LOC400499: variants seen among roughly 807,000 people sequenced by gnomAD.
chr16:11,486,296 T>A, the LOC400499 span, among the ~76,000 whole-genome samples: 1 of 85,564 alleles, frequency 1.2e-5, no homozygotes, highest in Non-Finnish European at 2.2e-5. Flanking sequence ...GATGGATGGA[T>A]GAATGGTACA....
At chr16:11,384,175 A>G in the LOC400499 span, 1 of 1,220,420 alleles carries the variant, frequency 8.2e-7, no homozygotes, top group Non-Finnish European at 1.0e-6. Context: ...AGCCCTCAAG[A>G]ACCTCAGCTG....
At chr16:11,433,158 G>A in the LOC400499 span, among the ~76,000 whole-genome samples, 1 of 152,168 alleles carries the variant, frequency 6.6e-6, no homozygotes, top group African/African-American at 2.4e-5. Flanking sequence ...AGACCATATG[G>A]CCCACAAAGC....
chr16:11,526,420 A>G, the LOC400499 span, among the ~76,000 whole-genome samples: 2 of 152,242 alleles, frequency 1.3e-5, no homozygotes, highest in Non-Finnish European at 2.9e-5. Context: ...AAACTTTCAA[A>G]TATGTTTGAA....
At chr16:11,381,861 T>G in the LOC400499 span, among the ~76,000 whole-genome samples, 68 of 152,296 alleles carry the variant, frequency 4.5e-4, no homozygotes, top group African/African-American at 1.6e-3. Flanking sequence ...AGTTTAGTTC[T>G]GATGGGTCTT....
chr16:11,509,024 G>C, the LOC400499 span, among the ~76,000 whole-genome samples: 7 of 152,184 alleles, frequency 4.6e-5, no homozygotes, highest in African/African-American at 1.4e-4. Flanking sequence ...ATTGCAAACA[G>C]CCTAAGATGG....
the LOC400499 span, chr16:11,459,870 G>C: frequency 7.5e-7 from 1 of 1,336,840 alleles, no homozygotes; most frequent in African/African-American, 1.5e-5. Context: ...CATGGGGCAC[G>C]GCTCTGCCGC....
At chr16:11,450,088 C>T in the LOC400499 span, among the ~76,000 whole-genome samples, 4 of 152,216 alleles carry the variant, frequency 2.6e-5, no homozygotes, top group Non-Finnish European at 4.4e-5. Context: ...GTGCTGCCCT[C>T]GGATGAGCCC....
At chr16:11,515,416 A>G in the LOC400499 span, among the ~76,000 whole-genome samples, 1 of 152,024 alleles carries the variant, frequency 6.6e-6, no homozygotes, top group African/African-American at 2.4e-5. Context: ...TGATCACACC[A>G]CTGCACTCCA....
At chr16:11,492,569 G>A in the LOC400499 span, among the ~76,000 whole-genome samples, 1 of 152,028 alleles carries the variant, frequency 6.6e-6, no homozygotes, top group East Asian at 1.9e-4. Context: ...AGGATCATGA[G>A]GTCAGGAGAT....
the LOC400499 span, among the ~76,000 whole-genome samples, chr16:11,379,138 C>T: frequency 4.6e-5 from 7 of 152,142 alleles, no homozygotes; most frequent in African/African-American, 7.2e-5. Context: ...GCCTGTAATC[C>T]CAGCTACTCT....
At chr16:11,460,749 C>T in the LOC400499 span, 4 of 1,323,710 alleles carry the variant, frequency 3.0e-6, no homozygotes, top group Non-Finnish European at 4.0e-6. Context: ...TCCATTAGAA[C>T]CTGTCGATGG....
chr16:11,415,653 G>A, the LOC400499 span, among the ~76,000 whole-genome samples: 1 of 152,204 alleles, frequency 6.6e-6, no homozygotes, highest in African/African-American at 2.4e-5. Context: ...GGCTGTCAGA[G>A]ATACCAAGAA....
At chr16:11,382,000 T>G in the LOC400499 span, among the ~76,000 whole-genome samples, 9 of 151,870 alleles carry the variant, frequency 5.9e-5, no homozygotes, top group African/African-American at 2.2e-4. Context: ...TGGAGTGCAG[T>G]GGCGCAATCT....
At chr16:11,424,066 C>T in the LOC400499 span, 1 of 399,232 alleles carries the variant, frequency 2.5e-6, no homozygotes, top group Non-Finnish European at 4.4e-6. Context: ...CTGGGACCCA[C>T]TGGCCCCCGA....
the LOC400499 span, chr16:11,443,394 G>C: frequency 4.7e-6 from 2 of 429,782 alleles, no homozygotes; most frequent in Non-Finnish European, 9.1e-6. Context: ...CTGGGACGTG[G>C]AGGTTGCGGT....
the LOC400499 span, among the ~76,000 whole-genome samples, chr16:11,399,001 C>G: frequency 6.6e-6 from 1 of 152,158 alleles, no homozygotes; most frequent in South Asian, 2.1e-4. Flanking sequence ...CCCCAGGAAC[C>G]CAGGCGGGAG....
the LOC400499 span, chr16:11,385,314 G>C: frequency 2.4e-6 from 3 of 1,232,290 alleles, no homozygotes; most frequent in Non-Finnish European, 2.0e-6. Context: ...TGTGTTGTGA[G>C]CAAAGTCCTG....
chr16:11,452,205 G>GTTTTTTTTTTTTTTTT, the LOC400499 span, among the ~76,000 whole-genome samples: 2 of 89,792 alleles, frequency 2.2e-5, no homozygotes, highest in Non-Finnish European at 5.2e-5. Context: ...TTTTTTGTTT[G>GTTTTTTTTTTTTTTTT]TTTTTTTTTT....
At chr16:11,493,139 G>A in the LOC400499 span, among the ~76,000 whole-genome samples, 1 of 152,192 alleles carries the variant, frequency 6.6e-6, no homozygotes, top group Non-Finnish European at 1.5e-5. Flanking sequence ...GGAAGTCAAT[G>A]AAGGGACTGT....
Sources: allele counts gnomAD v4.1 joint callset (sites outside exome capture counted in the v4.1 genomes callset), GRCh38; gene constraint gnomAD v4.1.1; transcripts MANE v1.5.